Variants in ITGA2 observed in about 807,000 individuals in gnomAD.
ITGA2 encodes the protein integrin alpha-2.
A neutral mutation model predicts 146.3 loss-of-function variants in ITGA2; 101 were observed. The ratio of observed to expected loss-of-function variants is 0.69; its 90% CI spans 0.59 to 0.81. The LOEUF is 0.81. ITGA2 is among the 40% of genes least tolerant of loss of function. The probability of loss-of-function intolerance (pLI) is 0.00; values close to 1 mark genes in which losing one functional copy is unlikely to be tolerated. For missense variants in ITGA2, 1,281 were observed against 1,402.7 expected, an observed-to-expected ratio of 0.91 and a Z score of 1.39; for synonymous variants, 477 against 487.1, an observed-to-expected ratio of 0.98 and a Z score of 0.27.
At position 53,053,861 on chromosome 5, in the gene ITGA2, A is replaced by G. The variant is rs958882529; in HGVS notation, c.780-1677A>G. The stretch of plus-strand genomic sequence containing the variant: ...GCCATGTTTTCATTCACCTCATTTC[A>G]TTCAATGCCTACAGTTGCAGTTTAT... On this transcript the variant is annotated intron_variant, in intron 7 of 29. Transcript: ENST00000296585. Among the ~76,000 whole-genome samples the G allele has an allele frequency of 6.6e-5, 10 of 152,110 alleles. No individual in the cohort carries two copies. In the South Asian group the frequency reaches 2.1e-3, roughly 31 times the overall value.
chr5:53,054,904 A>G (rs1744560141), intron 7 of ITGA2, among the ~76,000 whole-genome samples: 1 of 152,094 alleles, frequency 6.6e-6, no homozygotes, highest in Non-Finnish European at 1.5e-5. Context: ...ATGACCAAAT[A>G]CCACCTGTTC....
At chr5:53,064,158 A>G (rs1177717189) in intron 13 of ITGA2, among the ~76,000 whole-genome samples, 1 of 151,978 alleles carries the variant, frequency 6.6e-6, no homozygotes, top group Non-Finnish European at 1.5e-5. Flanking sequence ...CTGTACCACT[A>G]TAATTATGTC....
chr5:53,059,775 A>T, intron 10 of ITGA2, 99 bp from the exon 11 acceptor site: 1 of 1,089,142 alleles, frequency 9.2e-7, no homozygotes, highest in Non-Finnish European at 1.4e-6. Flanking sequence ...CATCATTTTT[A>T]ATAAATCTAA....
intron 12 of ITGA2, among the ~76,000 whole-genome samples, chr5:53,061,827 A>G (rs1744916537): frequency 6.6e-6 from 1 of 151,942 alleles, no homozygotes; most frequent in African/African-American, 2.4e-5. Flanking sequence ...CTCTTCTCTG[A>G]GATTAAGTGT....
intron 2 of ITGA2, among the ~76,000 whole-genome samples, chr5:53,030,831 A>C (rs1561104085): frequency 6.6e-6 from 1 of 152,224 alleles, no homozygotes; most frequent in Admixed American, 6.5e-5. Context: ...TTTCAGTGTC[A>C]CTAGCTATAA....
intron 3 of ITGA2, among the ~76,000 whole-genome samples, chr5:53,043,741 C>A (rs1743919942): frequency 6.6e-6 from 1 of 152,042 alleles, no homozygotes; most frequent in African/African-American, 2.4e-5. Flanking sequence ...GATGATTTGT[C>A]CAGGATAGAG....
At chr5:53,062,040 A>G (rs537355563) in intron 12 of ITGA2, among the ~76,000 whole-genome samples, 1 of 152,046 alleles carries the variant, frequency 6.6e-6, no homozygotes, top group South Asian at 2.1e-4. Flanking sequence ...AAGTGTTCAC[A>G]TAGGCATGCA....
chr5:53,073,065 G>T, intron 19 of ITGA2, 53 bp from the exon 20 acceptor site: 1 of 1,565,510 alleles, frequency 6.4e-7, no homozygotes, highest in Admixed American at 1.7e-5. Flanking sequence ...TAAAATACTG[G>T]CCTTTTTATT....
At chr5:53,021,360 T>A (rs1385294178) in intron 1 of ITGA2, among the ~76,000 whole-genome samples, 1 of 152,220 alleles carries the variant, frequency 6.6e-6, no homozygotes, top group African/African-American at 2.4e-5. Flanking sequence ...GACTGAGAGA[T>A]GACATAAAAT....
In ITGA2 at chr5:53,073,821, A is replaced by G. The variant is rs551847153; in HGVS notation, c.2571+562A>G. 4.0e-5 allele frequency among the ~76,000 whole-genome samples: 6 copies of G among 151,876 alleles called. No homozygotes were observed. In the South Asian group the frequency reaches 1.2e-3, roughly 31 times the overall value. On this transcript the variant is annotated intron_variant, in intron 20 of 29. Coordinates refer to ENST00000296585, the MANE Select transcript of ITGA2 (RefSeq NM_002203.4). Reference sequence around the variant, plus strand: ...AAGGATTAAACAATGATTTCATTTAATTTAGAGTTAATGTGATCTTAATAG... The same window carrying G: ...AAGGATTAAACAATGATTTCATTTAGTTTAGAGTTAATGTGATCTTAATAG...
At chr5:53,027,650 C>T (rs1432612630) in intron 2 of ITGA2, among the ~76,000 whole-genome samples, 1 of 152,210 alleles carries the variant, frequency 6.6e-6, no homozygotes, top group Non-Finnish European at 1.5e-5. Flanking sequence ...ACAGGTCCTG[C>T]CATGGGGACC....
intron 9 of ITGA2, among the ~76,000 whole-genome samples, chr5:53,056,773 G>C (rs899806270): frequency 6.6e-6 from 1 of 151,592 alleles, no homozygotes; most frequent in Non-Finnish European, 1.5e-5. Flanking sequence ...AAGATCACGT[G>C]TTCAGGAGCT....
intron 3 of ITGA2, among the ~76,000 whole-genome samples, chr5:53,044,312 G>T (rs1342099943): frequency 1.0e-5 from 1 of 99,596 alleles, no homozygotes; most frequent in Non-Finnish European, 2.0e-5. Flanking sequence ...AAAAAGAAAG[G>T]TGAACTTTTA....
intron 7 of ITGA2, among the ~76,000 whole-genome samples, chr5:53,051,812 A>T (rs191623895): frequency 2.0e-5 from 3 of 152,304 alleles, no homozygotes; most frequent in Non-Finnish European, 4.4e-5. Flanking sequence ...ATTTATGTGA[A>T]GTAAATGAAA....
At chr5:53,034,407 CAAA>C (rs34063396) in intron 2 of ITGA2, among the ~76,000 whole-genome samples, 19 of 143,568 alleles carry the variant, frequency 1.3e-4, no homozygotes, top group Admixed American at 2.8e-4. Flanking sequence ...GACTCCAACT[CAAA>C]AAAAAAAAAA....
chr5:53,005,642 A>G (rs1184394328), intron 1 of ITGA2, among the ~76,000 whole-genome samples: 2 of 152,092 alleles, frequency 1.3e-5, no homozygotes. Context: ...AAATTTCTCA[A>G]GAAGTGTGCC....
chr5:53,021,954 A>C (rs992291066), intron 1 of ITGA2, among the ~76,000 whole-genome samples: 3 of 152,080 alleles, frequency 2.0e-5, no homozygotes, highest in Non-Finnish European at 4.4e-5. Context: ...CCTTCTATGA[A>C]AAACCCATCC....
intron 1 of ITGA2, among the ~76,000 whole-genome samples, chr5:52,994,797 A>T (rs1488613890): frequency 6.6e-6 from 1 of 152,184 alleles, no homozygotes; most frequent in Non-Finnish European, 1.5e-5. Flanking sequence ...CAGTTTCCAT[A>T]GCATAATAGA....
intron 23 of ITGA2, 122 bp from the exon 24 acceptor site, chr5:53,078,650 T>A (rs2112018111): frequency 1.5e-6 from 1 of 673,044 alleles, no homozygotes; most frequent in Middle Eastern, 3.8e-4. Context: ...TATTTGGTGC[T>A]TTTGTAACTA....
Sources: allele counts gnomAD v4.1 joint callset (sites outside exome capture counted in the v4.1 genomes callset), GRCh38; gene constraint gnomAD v4.1.1; transcripts MANE v1.5; gene names NCBI Gene and HGNC (gene_info 2026-07-23, HGNC 2026-07-21).